BRWD1: variants seen among roughly 807,000 people sequenced by gnomAD.
BRWD1 encodes bromodomain and WD repeat-containing protein 1.
BRWD1 carries 82 observed loss-of-function variants against 251.2 expected under a neutral mutation model. The observed-to-expected ratio is 0.33, with a 90% CI of 0.27 to 0.39. BRWD1 has a LOEUF of 0.39. Among genes scored for constraint, BRWD1 ranks in the 10% least tolerant of loss-of-function variants. The pLI, the probability that BRWD1 is intolerant of heterozygous loss-of-function variation, is 1.00. For synonymous variants in BRWD1, 918 were observed against 902.8 expected, an observed-to-expected ratio of 1.02 and a Z score of -0.30; for missense variants, 2,233 against 2,711.6, an observed-to-expected ratio of 0.82 and a Z score of 3.92.
intron 29 of BRWD1, among the ~76,000 whole-genome samples, chr21:39,223,148 TAA>T (rs376486936): frequency 6.2e-4 from 94 of 152,314 alleles, no homozygotes; most frequent in African/African-American, 2.2e-3. Flanking sequence ...AAAATCTGAA[TAA>T]AGTCTATAGA....
Position 39,188,332 on chromosome 21 carries a change from G to A in BRWD1, c.*7927C>T, listed in dbSNP as rs2031359276. ...TGTAGGACCCTGCCTGAAGTTTCCA[G>A]ACATTTAGCATTCAAAAGGTAAGGC... On this transcript the variant is annotated 3_prime_UTR_variant, in exon 41 of 41. Transcript: ENST00000342449. 5.1e-6 allele frequency: 5 copies of A among 985,208 alleles called. No homozygotes were observed. The highest frequency in any genetic ancestry group is 6.0e-6 in the Non-Finnish European group (5 of 829,896). 61.0% of individuals were successfully genotyped at this position (985,208 alleles called of 1,614,324 possible). A position where few individuals can be genotyped will look rare whatever the true frequency, so the allele number is the denominator to read the frequency against.
At chr21:39,209,869 A>T in intron 36 of BRWD1, 126 bp downstream of exon 36, 2 of 886,310 alleles carry the variant, frequency 2.3e-6, no homozygotes, top group Non-Finnish European at 3.2e-6. Flanking sequence ...TAATTTATTC[A>T]CTTATCTTTA....
In BRWD1 at chr21:39,217,657, G is replaced by GA. The variant is rs199517468; in HGVS notation, c.3659+494dup. ...AGTTTGGCAAATGAAAACCACTGGA[G>GA]AAACAAAACCACTATTTACCAAGAA... On this transcript the variant is annotated intron_variant, in intron 31 of 40. Transcript: ENST00000342449. Among the ~76,000 whole-genome samples, 4 of 152,092 alleles carry GA rather than the reference G, an allele frequency of 2.6e-5. No homozygotes were observed. In the East Asian group the frequency reaches 7.7e-4, roughly 29 times the overall value.
intron 36 of BRWD1, among the ~76,000 whole-genome samples, chr21:39,209,164 A>C (rs547977149): frequency 1.5e-4 from 23 of 152,132 alleles, no homozygotes; most frequent in Middle Eastern, 3.4e-3. Context: ...CTTCCCCCAA[A>C]TTTGCACACG....
intron 8 of BRWD1, among the ~76,000 whole-genome samples, chr21:39,290,428 T>C (rs559989284): frequency 4.1e-4 from 62 of 151,446 alleles, no homozygotes; most frequent in African/African-American, 1.4e-3. Flanking sequence ...GAGGCAGAGA[T>C]TGCAGTGAGC....
Position 39,194,893 on chromosome 21 carries a change from T to G in BRWD1, c.*1366A>C. 1 of 1,526,588 alleles carries G rather than the reference T, an allele frequency of 6.6e-7. No homozygotes were observed. The highest frequency in any genetic ancestry group is 8.8e-7 in the Non-Finnish European group (1 of 1,141,462). The allele number at this position is 1,526,588 out of a possible 1,614,324, so 94.6% of individuals were successfully genotyped here. A position where few individuals can be genotyped will look rare whatever the true frequency, so the allele number is the denominator to read the frequency against. ...TGAAATCAAACACAATTAGGGCTAA[T>G]AAATAACTTACAGGTGGGGTACTGT... On this transcript the variant is annotated 3_prime_UTR_variant, in exon 41 of 41. Transcript: ENST00000342449.
chr21:39,275,043 T>C (rs2035237041), intron 12 of BRWD1, among the ~76,000 whole-genome samples: 1 of 149,906 alleles, frequency 6.7e-6, no homozygotes, highest in South Asian at 2.1e-4. Context: ...AGACTCCGTC[T>C]CAAAAAAAAA....
At chr21:39,292,567 A>C (rs753805024) in intron 8 of BRWD1, among the ~76,000 whole-genome samples, 1 of 152,160 alleles carries the variant, frequency 6.6e-6, no homozygotes, top group Non-Finnish European at 1.5e-5. Flanking sequence ...ACAATGTTTT[A>C]ATCAAGCCCT....
chr21:39,188,884 G>A lies in BRWD1; in HGVS notation c.*7375C>T, dbSNP rs145920935. The A allele has an allele frequency of 2.0e-6, 2 of 985,364 alleles. No homozygotes were observed. Among genetic ancestry groups the A allele is most frequent in the African/African-American group, 3.5e-5 (2 of 57,332 alleles). 61.0% of individuals were successfully genotyped at this position (985,364 alleles called of 1,614,324 possible). ...GTTTTGTTCAGTGTTCAGTCTCCAG[G>A]CATTGTAAATGGCATTTTACCAGAG... is the stretch of plus-strand genomic sequence containing the variant. On this transcript the variant is annotated 3_prime_UTR_variant, in exon 41 of 41. Coordinates refer to ENST00000342449, the MANE Select transcript of BRWD1 (RefSeq NM_033656.4).
chr21:39,278,586 A>G, intron 10 of BRWD1, 157 bp downstream of exon 10: 1 of 561,942 alleles, frequency 1.8e-6, no homozygotes, highest in Non-Finnish European at 3.1e-6. Context: ...GACTGGAAGA[A>G]CAAGGCTAAC....
Position 39,236,877 on chromosome 21 carries a change from G to A in BRWD1, c.2577-93C>T. 6 of 1,148,974 alleles carry A rather than the reference G, an allele frequency of 5.2e-6. No homozygotes were observed. In the Admixed American group the frequency reaches 7.1e-5, roughly 14 times the overall value. 71.2% of individuals were successfully genotyped at this position (1,148,974 alleles called of 1,614,324 possible). ...TAAAATTGAGGGAACAGAGAGAGGA[G>A]AAAAAGGGAAGGGAAGATACCAGAA... On this transcript the variant is annotated intron_variant, in intron 22 of 40. Coordinates refer to ENST00000342449, the MANE Select transcript of BRWD1 (RefSeq NM_033656.4).
intron 4 of BRWD1, among the ~76,000 whole-genome samples, chr21:39,303,719 A>C (rs371525742): frequency 4.0e-5 from 6 of 151,536 alleles, no homozygotes; most frequent in Admixed American, 3.3e-4. Flanking sequence ...GCTACTCAGG[A>C]GACTAAGGTT....
At chr21:39,202,614 G>T in intron 37 of BRWD1, 69 bp from the exon 38 acceptor site, 1 of 1,042,724 alleles carries the variant, frequency 9.6e-7, no homozygotes, top group Non-Finnish European at 1.4e-6. Context: ...CACAGAGAAT[G>T]ACTAAATAGA....
intron 4 of BRWD1, among the ~76,000 whole-genome samples, chr21:39,311,498 A>G (rs2036482684): frequency 6.6e-6 from 1 of 152,206 alleles, no homozygotes; most frequent in Admixed American, 6.5e-5. Context: ...TAGTTACAGC[A>G]CTACATTTGT....
At chr21:39,269,377 A>G (rs1392759788) in intron 15 of BRWD1, among the ~76,000 whole-genome samples, 1 of 151,768 alleles carries the variant, frequency 6.6e-6, no homozygotes, top group Non-Finnish European at 1.5e-5. Flanking sequence ...TACATTGCCC[A>G]GGCTGGACTT....
chr21:39,197,472 G>A, intron 40 of BRWD1, 57 bp from the exon 41 acceptor site: 2 of 1,365,832 alleles, frequency 1.5e-6, no homozygotes, highest in South Asian at 1.4e-5. Flanking sequence ...GGAATTATAT[G>A]TTCAATATTA....
In BRWD1 at chr21:39,264,583, G is replaced by T. The variant is rs1345049775; in HGVS notation, c.1762C>A (p.Pro588Thr). 3.7e-6 allele frequency: 6 copies of T among 1,613,074 alleles called. No individual in the cohort carries two copies. The highest frequency in any genetic ancestry group is 3.4e-6 in the Non-Finnish European group (4 of 1,179,394). ...TCTACATCTACCAAGAATGGTGGAG[G>T]CATAAGATGAGGAGCCTGCTGAGTT... ...EQTQQAPHLM[P>T]PPFLVDVDGN... The change falls in exon 17 of 41, where the codon CCT becomes ACT. Residue 588 changes from proline (P) to threonine (T), a missense_variant. Pro to Thr is a conservative substitution (Grantham distance 38). This residue lies in a region of BRWD1 where 315 missense variants were observed against 421.8 expected (regional missense o/e 0.75). Coordinates refer to ENST00000342449, the MANE Select transcript of BRWD1 (RefSeq NM_033656.4).
At chr21:39,302,922 T>TG (rs1223036996) in intron 4 of BRWD1, among the ~76,000 whole-genome samples, 1 of 151,664 alleles carries the variant, frequency 6.6e-6, no homozygotes, top group African/African-American at 2.4e-5. Context: ...TAGCTGGGTG[T>TG]GGTGGCATGC....
chr21:39,279,179 T>C (rs2035370748), intron 9 of BRWD1, among the ~76,000 whole-genome samples: 1 of 152,238 alleles, frequency 6.6e-6, no homozygotes, highest in East Asian at 1.9e-4. Context: ...ATCAATAAAA[T>C]TATAAGATAC....
Sources: allele counts gnomAD v4.1 joint callset (sites outside exome capture counted in the v4.1 genomes callset), GRCh38; gene constraint gnomAD v4.1.1; regional missense constraint gnomAD v4.1.1; transcripts MANE v1.5; gene names NCBI Gene and HGNC (gene_info 2026-07-23, HGNC 2026-07-21).